CRYAB: variants seen among roughly 807,000 people sequenced by gnomAD.
The protein encoded by CRYAB is crystallin alpha B.
A neutral mutation model predicts 12.7 loss-of-function variants in CRYAB; 9 were observed. The ratio of observed to expected loss-of-function variants is 0.71; its 90% CI spans 0.43 to 1.24. The LOEUF is 1.24. Among genes scored for constraint, CRYAB ranks in the 50% most tolerant of loss-of-function variants. The probability of loss-of-function intolerance (pLI) is 0.00; values close to 1 mark genes in which losing one functional copy is unlikely to be tolerated. For missense variants in CRYAB, 183 were observed against 226.6 expected, an observed-to-expected ratio of 0.81 and a Z score of 1.24; for synonymous variants, 93 against 86.8, an observed-to-expected ratio of 1.07 and a Z score of -0.40.
intron 1 of CRYAB, 113 bp from the exon 2 acceptor site, chr11:111,910,562 T>C: frequency 7.6e-7 from 1 of 1,320,728 alleles, no homozygotes; most frequent in South Asian, 1.2e-5. Context: ...TTCATCCTTC[T>C]CTTCTCTGCT....
At position 111,908,950 on chromosome 11, in the gene CRYAB, G is replaced by A. The variant is rs782405475; in HGVS notation, c.342C>T (p.Ile114=). 1.9e-6 allele frequency: 3 copies of A among 1,614,118 alleles called. No individual in the cohort carries two copies. In the Admixed American group the frequency reaches 5.0e-5, roughly 27 times the overall value. The change falls in exon 3 of 3, where the codon ATC becomes ATT. Residue 114 remains isoleucine (I), a synonymous_variant. Coordinates refer to ENST00000650687, the MANE Select transcript of CRYAB (RefSeq NM_001289808.2). ...HEERQDEHGF[I]SREFHRKYRI... is the part of the protein sequence containing the mutation. ...GGTATTTCCTGTGGAACTCCCTGGAGATGAAACCATGTTCATCCTAACCCA... is the reference window on the plus strand; with the variant it reads ...GGTATTTCCTGTGGAACTCCCTGGAAATGAAACCATGTTCATCCTAACCCA...
At chr11:111,919,575 T>C (rs1399117529) in intron 1 of CRYAB, among the ~76,000 whole-genome samples, 3 of 152,192 alleles carry the variant, frequency 2.0e-5, no homozygotes, top group Non-Finnish European at 4.4e-5. Flanking sequence ...GCCCTCTTCC[T>C]CCCTTTCCCC....
At chr11:111,919,171 G>A in intron 1 of CRYAB, 1 of 776,308 alleles carries the variant, frequency 1.3e-6, no homozygotes, top group Non-Finnish European at 2.1e-6. Context: ...CTTTCAGGAG[G>A]CCTTAGAAGA....
upstream of CRYAB, among the ~76,000 whole-genome samples, chr11:111,917,739 G>A (rs890565296): frequency 2.0e-5 from 3 of 151,130 alleles, no homozygotes; most frequent in African/African-American, 7.3e-5. Flanking sequence ...CCAGCTACTC[G>A]AGAGGCTGAG....
chr11:111,922,498 A>C (rs1372349021), intron 1 of CRYAB, among the ~76,000 whole-genome samples: 1 of 152,240 alleles, frequency 6.6e-6, no homozygotes, highest in African/African-American at 2.4e-5. Context: ...CCATAAATAA[A>C]GCACCCAGAG....
chr11:111,918,599 TAG>T, intron 1 of CRYAB: 1 of 643,984 alleles, frequency 1.6e-6, no homozygotes. Flanking sequence ...TCATCTATTA[TAG>T]AGGATATATT....
At chr11:111,909,854 C>T (rs1965397013) in intron 2 of CRYAB, 4 of 402,856 alleles carry the variant, frequency 9.9e-6, no homozygotes, top group Admixed American at 8.0e-5. Context: ...TCTGACAGCC[C>T]TATACCTAAT....
chr11:111,913,651 G>A (rs1555165881), upstream of CRYAB: 17 of 1,614,018 alleles, frequency 1.1e-5, no homozygotes, highest in South Asian at 2.2e-5. Context: ...GTGTCTGCCC[G>A]GCACCCCCAG....
chr11:111,913,001 C>T (rs1965518688), upstream of CRYAB: 3 of 979,204 alleles, frequency 3.1e-6, no homozygotes, highest in Admixed American at 4.4e-5. Flanking sequence ...CGTTGCTGGC[C>T]TCCACCCCAC....
At chr11:111,913,471 C>CA (rs1965535954), upstream of CRYAB, 1 of 1,611,678 alleles carries the variant, frequency 6.2e-7, no homozygotes, top group African/African-American at 1.3e-5. Flanking sequence ...CTGACCCCCA[C>CA]ACTCTACCAT....
chr11:111,913,608 G>A (rs1965542823), upstream of CRYAB: 1 of 1,614,074 alleles, frequency 6.2e-7, no homozygotes, highest in African/African-American at 1.3e-5. Context: ...CCCAGACGAG[G>A]TGACTGTGAG....
At chr11:111,912,916 C>T (rs1555165775), upstream of CRYAB, 1 of 1,603,958 alleles carries the variant, frequency 6.2e-7, no homozygotes, top group Admixed American at 1.7e-5. Flanking sequence ...AGCAGCGCTT[C>T]GGAGAAGGTA....
chr11:111,908,783 G>T lies in CRYAB; in HGVS notation c.509C>A (p.Thr170Asn). Residue 170 changes from threonine to asparagine, a missense_variant, in exon 3 of 3, where the codon ACC becomes AAC. Thr to Asn is a moderately conservative substitution (Grantham distance 65). Coordinates refer to ENST00000650687, the MANE Select transcript of CRYAB (RefSeq NM_001289808.2). ...GGGCATCTATTTCTTGGGGGCTGCG[G>T]TGACAGCAGGCTTCTCTTCACGGGT... ...PITREEKPAV[T>N]AAPKK 1 of 1,612,920 alleles carries T rather than the reference G, an allele frequency of 6.2e-7. No individual in the cohort carries two copies. Among genetic ancestry groups the T allele is most frequent in the Non-Finnish European group, 8.5e-7 (1 of 1,180,020 alleles).
upstream of CRYAB, chr11:111,913,880 C>G (rs781830805): frequency 4.4e-6 from 7 of 1,608,718 alleles, no homozygotes; most frequent in Middle Eastern, 3.3e-4. Flanking sequence ...AGGAGGCAGC[C>G]ATAGTTGAGC....
At chr11:111,917,929 T>C (rs587656026), upstream of CRYAB, 5 of 152,286 alleles carry the variant, frequency 3.3e-5, no homozygotes, top group African/African-American at 1.2e-4. Flanking sequence ...TGCCAGGCCC[T>C]GCACTAGAGC....
upstream of CRYAB, chr11:111,913,637 G>A (rs782030412): frequency 1.9e-6 from 3 of 1,614,160 alleles, no homozygotes; most frequent in Non-Finnish European, 1.7e-6. Context: ...ATAACCTGCT[G>A]GAGGTGTCTG....
upstream of CRYAB, among the ~76,000 whole-genome samples, chr11:111,915,824 C>A (rs1263106889): frequency 6.6e-6 from 1 of 152,110 alleles, no homozygotes; most frequent in African/African-American, 2.4e-5. Context: ...CTCACTGCAG[C>A]CTCAACCTCC....
chr11:111,913,689 C>T (rs950685918), upstream of CRYAB: 7 of 1,614,066 alleles, frequency 4.3e-6, no homozygotes, highest in Middle Eastern at 1.6e-4. Flanking sequence ...CTTCGTGTCC[C>T]GAGAGTTCTG....
At chr11:111,910,239 A>T in intron 2 of CRYAB, 88 bp downstream of exon 2, 2 of 1,536,204 alleles carry the variant, frequency 1.3e-6, no homozygotes, top group Non-Finnish European at 1.8e-6. Flanking sequence ...ACTGGAATGT[A>T]GCCAGCCTCC....
Sources: gnomAD v4.1 joint callset for allele counts (sites outside exome capture counted in the v4.1 genomes callset) on GRCh38, gnomAD v4.1.1 for gene constraint, MANE v1.5 for transcripts, NCBI Gene and HGNC (gene_info 2026-07-23, HGNC 2026-07-21) for gene names.